Variants in SEMA6A observed in about 807,000 individuals in gnomAD.
SEMA6A encodes the protein semaphorin-6A.
A neutral mutation model predicts 96.8 loss-of-function variants in SEMA6A; 25 were observed. That is an observed-to-expected ratio of 0.26 (90% CI 0.19 to 0.36). The LOEUF (loss-of-function observed/expected upper bound fraction) is 0.36, where lower values mean the gene tolerates loss of function less well. SEMA6A is among the 10% of genes least tolerant of loss of function. The probability of loss-of-function intolerance (pLI) is 1.00; values close to 1 mark genes in which losing one functional copy is unlikely to be tolerated. For missense variants in SEMA6A, 1,363 were observed against 1,323.1 expected, an observed-to-expected ratio of 1.03 and a Z score of -0.47; for synonymous variants, 612 against 518.0, an observed-to-expected ratio of 1.18 and a Z score of -2.46.
rs536690270 is a variant in SEMA6A at position 116,553,783 on chromosome 5, G to T, written c.-39+20402C>A. On this transcript the variant is annotated intron_variant, in intron 1 of 18. Coordinates refer to ENST00000343348, the MANE Select transcript of SEMA6A (RefSeq NM_020796.5). ...GAGAAATCCTGAGAGTGAGATGTTA[G>T]GGGGGAAAAAACCAACATCCTTTCA... 2.6e-5 allele frequency among the ~76,000 whole-genome samples: 4 copies of T among 152,184 alleles called. No individual in the cohort carries two copies. The East Asian group carries it at 5.8e-4, about 22-fold the overall frequency.
intron 1 of SEMA6A, among the ~76,000 whole-genome samples, chr5:116,518,954 G>T (rs1367871259): frequency 4.0e-5 from 6 of 151,744 alleles, no homozygotes; most frequent in African/African-American, 1.5e-4. Flanking sequence ...TCTCAAACAC[G>T]GTATTTTCCT....
Position 116,467,690 on chromosome 5 carries a change from C to G in SEMA6A, c.1787G>C (p.Gly596Ala). Residue 596 changes from glycine to alanine, a missense_variant, in exon 18 of 19, where the codon GGG (glycine) becomes GCG (alanine). By Grantham distance (60) the Gly-to-Ala change is moderately conservative (BLOSUM62 0). Coordinates refer to ENST00000343348, the MANE Select transcript of SEMA6A (RefSeq NM_020796.5). ...CAGCATTCCTCCCCTAGACTCATAC[C>G]CCTCTTGAGCCGTCGAATCTGATGT... ...TTTSDSTAQE[G>A]YESRGGMLDW... 6.2e-7 allele frequency: 1 copy of G among 1,613,780 alleles called. No homozygotes were observed. The highest frequency in any genetic ancestry group is 1.1e-5 in the South Asian group (1 of 91,050).
intron 1 of SEMA6A, among the ~76,000 whole-genome samples, chr5:116,511,351 G>A (rs746145308): frequency 2.6e-5 from 4 of 152,158 alleles, no homozygotes; most frequent in African/African-American, 9.7e-5. Context: ...ATTTCTATCA[G>A]CGGTTGGTTG....
intron 1 of SEMA6A, among the ~76,000 whole-genome samples, chr5:116,531,112 A>G (rs1185105233): frequency 6.6e-6 from 1 of 152,060 alleles, no homozygotes; most frequent in Non-Finnish European, 1.5e-5. Flanking sequence ...TCATTTCCCT[A>G]ATCTTACCTT....
chr5:116,511,761 G>T (rs764784718), intron 1 of SEMA6A, among the ~76,000 whole-genome samples: 13 of 152,216 alleles, frequency 8.5e-5, no homozygotes, highest in Non-Finnish European at 1.9e-4. Flanking sequence ...AGTTTTAGGA[G>T]AAATTGATTC....
chr5:116,488,016 CTCATT>C lies in SEMA6A; in HGVS notation c.744+87_744+91del, dbSNP rs147996811. The C allele has an allele frequency of 5.6e-3, 4,493 of 802,408 alleles. 157 individuals are homozygous for C. The African/African-American group carries it at 0.069, about 12-fold the overall frequency. 49.7% of individuals were successfully genotyped at this position (802,408 alleles called of 1,614,324 possible). On this transcript the variant is annotated intron_variant, in intron 9 of 18. Coordinates refer to ENST00000343348, the MANE Select transcript of SEMA6A (RefSeq NM_020796.5). ...GCACTCTGTTATTAGATTTATGGCT[CTCATT>C]TCAAGATCATTTATAACAACATTTG...
At chr5:116,449,504 C>CT in intron 18 of SEMA6A, 1 of 579,090 alleles carries the variant, frequency 1.7e-6, no homozygotes, top group Non-Finnish European at 3.1e-6. Context: ...TTTGTCACAG[C>CT]CGAGACCTTG....
At chr5:116,570,290 C>T (rs887849860) in intron 1 of SEMA6A, among the ~76,000 whole-genome samples, 2 of 152,132 alleles carry the variant, frequency 1.3e-5, no homozygotes, top group African/African-American at 2.4e-5. Context: ...AAAGCCTTCA[C>T]GCTGAAATAG....
chr5:116,561,830 T>A (rs1760828549), intron 1 of SEMA6A, among the ~76,000 whole-genome samples: 1 of 152,168 alleles, frequency 6.6e-6, no homozygotes, highest in African/African-American at 2.4e-5. Context: ...CTCGGAGATA[T>A]CCCTGGAGAA....
At chr5:116,497,452 A>G in intron 3 of SEMA6A, 65 bp from the exon 4 acceptor site, 1 of 993,782 alleles carries the variant, frequency 1.0e-6, no homozygotes, top group Non-Finnish European at 1.6e-6. Context: ...TTTCTGCTTA[A>G]TGAGTTATGT....
chr5:116,558,257 CA>C (rs1760682075), intron 1 of SEMA6A, among the ~76,000 whole-genome samples: 1 of 152,060 alleles, frequency 6.6e-6, no homozygotes, highest in South Asian at 2.1e-4. Flanking sequence ...AAAAATGTAA[CA>C]TGAAAGATAA....
At chr5:116,535,745 T>G (rs1434867737) in intron 1 of SEMA6A, among the ~76,000 whole-genome samples, 1 of 152,170 alleles carries the variant, frequency 6.6e-6, no homozygotes, top group Non-Finnish European at 1.5e-5. Context: ...GTGTGGAGCT[T>G]CTGCTCCAGA....
At chr5:116,478,950 G>A (rs1273010982) in intron 12 of SEMA6A, among the ~76,000 whole-genome samples, 1 of 151,948 alleles carries the variant, frequency 6.6e-6, no homozygotes, top group African/African-American at 2.4e-5. Flanking sequence ...GTGTGTGTGT[G>A]TGTGTGTGTG....
In SEMA6A at chr5:116,496,006, G is replaced by A. The variant is rs1757582394; in HGVS notation, c.342+245C>T. The A allele has an allele frequency of 6.9e-6, 3 of 434,324 alleles. No homozygotes were observed. The South Asian group carries it at 7.5e-5, about 11-fold the overall frequency. The allele number at this position is 434,324 out of a possible 1,614,324, so 26.9% of individuals were successfully genotyped here. On this transcript the variant is annotated intron_variant, in intron 5 of 18. Transcript: ENST00000343348. Reference sequence around the variant, plus strand: ...GACAAGACTCTGGGCAGCCGGCTTTGTGTCCATAATCCTGTGTGCGCCTAA... The same window carrying A: ...GACAAGACTCTGGGCAGCCGGCTTTATGTCCATAATCCTGTGTGCGCCTAA...
At position 116,512,945 on chromosome 5, in the gene SEMA6A, C is replaced by T. The variant is rs59637334; in HGVS notation, c.-38-7963G>A. On this transcript the variant is annotated intron_variant, in intron 1 of 18. Coordinates refer to ENST00000343348, the MANE Select transcript of SEMA6A (RefSeq NM_020796.5). ...TTTTTGCCATCACCATCTTTGTAAA[C>T]GTTCTTTGTTTGTTTGTTGTTGGCT... is the stretch of plus-strand genomic sequence containing the variant. Among the ~76,000 whole-genome samples, 1,264 of 152,206 alleles carry T rather than the reference C, an allele frequency of 8.3e-3. 16 individuals carry two copies. Among genetic ancestry groups the T allele is most frequent in the African/African-American group, 0.029 (1,208 of 41,530 alleles).
chr5:116,547,386 T>G (rs2112876452), intron 1 of SEMA6A, among the ~76,000 whole-genome samples: 1 of 152,292 alleles, frequency 6.6e-6, no homozygotes, highest in Non-Finnish European at 1.5e-5. Context: ...ATGTTTCTTT[T>G]TAAAGATTCA....
At chr5:116,454,564 GA>G (rs1224457234) in intron 18 of SEMA6A, among the ~76,000 whole-genome samples, 2 of 151,978 alleles carry the variant, frequency 1.3e-5, no homozygotes, top group African/African-American at 4.8e-5. Context: ...ACAAACAAGG[GA>G]AAAACCCTAA....
intron 1 of SEMA6A, among the ~76,000 whole-genome samples, chr5:116,552,171 G>A (rs1188734141): frequency 1.3e-5 from 2 of 152,158 alleles, no homozygotes; most frequent in Non-Finnish European, 2.9e-5. Context: ...GTCCTAGAGT[G>A]TCTAAAATAA....
At chr5:116,471,346 T>C (rs1756132483) in intron 17 of SEMA6A, 1 of 152,208 alleles carries the variant, frequency 6.6e-6, no homozygotes, top group Non-Finnish European at 1.5e-5. Context: ...GTTTAATTAT[T>C]CTGTCTATTT....
Sources: gnomAD v4.1 joint callset for allele counts (sites outside exome capture counted in the v4.1 genomes callset) on GRCh38, gnomAD v4.1.1 for gene constraint, MANE v1.5 for transcripts, NCBI Gene and HGNC (gene_info 2026-07-23, HGNC 2026-07-21) for gene names.